Variants in RAB21 observed in about 807,000 individuals in gnomAD.
The protein encoded by RAB21 is RAB21, member RAS oncogene family.
A neutral mutation model predicts 33.1 loss-of-function variants in RAB21; 13 were observed. The observed-to-expected ratio is 0.39, with a 90% CI of 0.26 to 0.62. The LOEUF is 0.62. Ranked by LOEUF, RAB21 falls within the 20% of genes least tolerant of loss-of-function variation. The pLI is 0.48. For synonymous variants in RAB21, 91 were observed against 103.7 expected (o/e 0.88, Z 0.74); for missense variants, 234 against 279.1 (o/e 0.84, Z 1.15).
chr12:71,793,423 A>G lies in RAB21; in HGVS notation c.*7750A>G, dbSNP rs914060200. On this transcript the variant is annotated 3_prime_UTR_variant, in exon 7 of 7. Coordinates refer to ENST00000261263, the MANE Select transcript of RAB21 (RefSeq NM_014999.4). ...ATATGAATTTTCTAAACATCTTTTCAGTGTCTTTTAAGGATATTTTTGATA... is the reference window on the plus strand; with the variant it reads ...ATATGAATTTTCTAAACATCTTTTCGGTGTCTTTTAAGGATATTTTTGATA... 1.7e-4 allele frequency: 26 copies of G among 152,202 alleles called. No homozygotes were observed. Among genetic ancestry groups the G allele is most frequent in the African/African-American group, 6.0e-4 (25 of 41,452 alleles). 9.4% of individuals were successfully genotyped at this position (152,202 alleles called of 1,614,324 possible). A position where few individuals can be genotyped will look rare whatever the true frequency, so the allele number is the denominator to read the frequency against.
At position 71,786,448 on chromosome 12, in the gene RAB21, G is replaced by A. The variant is rs1439838934; in HGVS notation, c.*775G>A. The A allele has an allele frequency of 6.6e-6, 1 of 152,508 alleles. No individual in the cohort carries two copies. Among genetic ancestry groups the A allele is most frequent in the Non-Finnish European group, 1.5e-5 (1 of 68,002 alleles). The allele number at this position is 152,508 out of a possible 1,614,324, so 9.4% of individuals were successfully genotyped here. ...TTTTGTTTTTAATTAGCAGATATCTGAAGTACTATTTTTGCAGGGTTTGCA... is the reference window on the plus strand; with the variant it reads ...TTTTGTTTTTAATTAGCAGATATCTAAAGTACTATTTTTGCAGGGTTTGCA... On this transcript the variant is annotated 3_prime_UTR_variant, in exon 7 of 7. Coordinates refer to ENST00000261263, the MANE Select transcript of RAB21 (RefSeq NM_014999.4).
rs1883412418 is a variant in RAB21, at chr12:71,793,176, T to G, written c.*7503T>G. On this transcript the variant is annotated 3_prime_UTR_variant, in exon 7 of 7. Transcript: ENST00000261263. The stretch of plus-strand genomic sequence containing the variant: ...GGTTTGGTTTGGTTTTGCGGTGATT[T>G]TTTTTAACCTAGAAAAAATACAATT... The G allele has an allele frequency of 6.6e-6, 1 of 152,200 alleles. No individual in the cohort carries two copies. Among genetic ancestry groups the G allele is most frequent in the African/African-American group, 2.4e-5 (1 of 41,458 alleles). The allele number at this position is 152,200 out of a possible 1,614,324, so 9.4% of individuals were successfully genotyped here. A position where few individuals can be genotyped will look rare whatever the true frequency, so the allele number is the denominator to read the frequency against.
chr12:71,771,601 TAA>T (rs1555188250), intron 3 of RAB21, among the ~76,000 whole-genome samples: 1 of 152,246 alleles, frequency 6.6e-6, no homozygotes, highest in Non-Finnish European at 1.5e-5. Context: ...TAATGATTTT[TAA>T]AAGTTATTTT....
chr12:71,757,596 C>A (rs1358151361), intron 1 of RAB21, among the ~76,000 whole-genome samples: 1 of 152,178 alleles, frequency 6.6e-6, no homozygotes. Context: ...TTTTGTTGTA[C>A]ACCAATGTAT....
At chr12:71,756,076 C>T (rs755684414) in intron 1 of RAB21, among the ~76,000 whole-genome samples, 6 of 152,162 alleles carry the variant, frequency 3.9e-5, no homozygotes, top group Non-Finnish European at 7.4e-5. Context: ...CTCACCCCAC[C>T]TCTCCCAGAG....
intron 6 of RAB21, among the ~76,000 whole-genome samples, chr12:71,783,044 C>G (rs1202551526): frequency 6.6e-6 from 1 of 151,944 alleles, no homozygotes; most frequent in Non-Finnish European, 1.5e-5. Flanking sequence ...GTTTGTGAAA[C>G]AAGATATTTG....
In RAB21 at chr12:71,755,747, C is replaced by G. The variant is rs1882776362; in HGVS notation, c.159+459C>G. On this transcript the variant is annotated intron_variant, in intron 1 of 6. Transcript: ENST00000261263. ...AGTGTTTATGCAAGTTCCATTTTGTCCTGAGTAACAGGAATGGCAAAAGAG... is the reference window on the plus strand; with the variant it reads ...AGTGTTTATGCAAGTTCCATTTTGTGCTGAGTAACAGGAATGGCAAAAGAG... Among the ~76,000 whole-genome samples, 5 of 152,302 alleles carry G rather than the reference C, an allele frequency of 3.3e-5. No homozygotes were observed. The South Asian group carries it at 1.0e-3, about 32-fold the overall frequency.
chr12:71,765,018 T>A (rs1346737036), intron 1 of RAB21, among the ~76,000 whole-genome samples: 2 of 152,182 alleles, frequency 1.3e-5, no homozygotes, highest in African/African-American at 4.8e-5. Context: ...TGCTTTTAGT[T>A]CTGTAAGTAA....
Position 71,770,733 on chromosome 12 carries a change from C to T in RAB21, c.327+34C>T, listed in dbSNP as rs771872274. The T allele has an allele frequency of 6.5e-6, 9 of 1,377,208 alleles. 1 individual carries two copies. In the South Asian group the frequency reaches 1.1e-4, roughly 17 times the overall value. The allele number at this position is 1,377,208 out of a possible 1,614,324, so 85.3% of individuals were successfully genotyped here. On this transcript the variant is annotated intron_variant, in intron 3 of 6. Coordinates refer to ENST00000261263, the MANE Select transcript of RAB21 (RefSeq NM_014999.4). ...TTCATGGGTAGATGTCTTAGAAGAACAATAGTAATTTTTCAAGTTTCCATT... is the reference window on the plus strand; with the variant it reads ...TTCATGGGTAGATGTCTTAGAAGAATAATAGTAATTTTTCAAGTTTCCATT...
intron 5 of RAB21, 47 bp from the exon 6 acceptor site, chr12:71,782,523 T>C (rs992129811): frequency 4.2e-5 from 57 of 1,341,764 alleles, no homozygotes; most frequent in East Asian, 7.0e-5. Flanking sequence ...TAAGACAAAA[T>C]CATGAATAAT....
rs781010570 is a variant in RAB21, at chr12:71,793,839, A to C, written c.*8166A>C. The C allele has an allele frequency of 1.3e-5, 2 of 152,192 alleles. No homozygotes were observed. The highest frequency in any genetic ancestry group is 2.9e-5 in the Non-Finnish European group (2 of 68,036). The allele number at this position is 152,192 out of a possible 1,614,324, so 9.4% of individuals were successfully genotyped here. A position where few individuals can be genotyped will look rare whatever the true frequency, so the allele number is the denominator to read the frequency against. ...GGTTCTGGGTTCTAGGTTCTAGGCT[A>C]ATAATTTACTACTTTGGTATGTTGC... On this transcript the variant is annotated 3_prime_UTR_variant, in exon 7 of 7. Coordinates refer to ENST00000261263, the MANE Select transcript of RAB21 (RefSeq NM_014999.4).
Position 71,782,558 on chromosome 12 carries a change from C to T in RAB21, c.447-12C>T. ...TATTTTACATCAATCACCGATGTTACTTTTTTTTAAGGTATGCAGAATCTG... is the reference window on the plus strand; with the variant it reads ...TATTTTACATCAATCACCGATGTTATTTTTTTTTAAGGTATGCAGAATCTG... On this transcript the variant is annotated splice_polypyrimidine_tract_variant and intron_variant, in intron 5 of 6. Transcript: ENST00000261263. The T allele has an allele frequency of 1.9e-6, 3 of 1,543,140 alleles. No individual in the cohort carries two copies. The highest frequency in any genetic ancestry group is 3.9e-5 in the Admixed American group (2 of 51,648).
At chr12:71,782,695 T>A in intron 6 of RAB21, 37 bp downstream of exon 6, 1 of 1,425,054 alleles carries the variant, frequency 7.0e-7, no homozygotes, top group South Asian at 1.3e-5. Context: ...TAGAAATGGT[T>A]TTTGGTTTTT....
At position 71,790,947 on chromosome 12, in the gene RAB21, T is replaced by C. The variant is rs930967660; in HGVS notation, c.*5274T>C. The C allele has an allele frequency of 6.6e-6, 1 of 152,048 alleles. No homozygotes were observed. The highest frequency in any genetic ancestry group is 2.4e-5 in the African/African-American group (1 of 41,418). The allele number at this position is 152,048 out of a possible 1,614,324, so 9.4% of individuals were successfully genotyped here. A position where few individuals can be genotyped will look rare whatever the true frequency, so the allele number is the denominator to read the frequency against. On this transcript the variant is annotated 3_prime_UTR_variant, in exon 7 of 7. Transcript: ENST00000261263. Reference sequence around the variant, plus strand: ...ATGAAACCTGAAAAGGAATCTGGTCTGTTAGGTGGATTTCATTAGTATCCA... The same window carrying C: ...ATGAAACCTGAAAAGGAATCTGGTCCGTTAGGTGGATTTCATTAGTATCCA...
chr12:71,770,499 C>A, intron 2 of RAB21, 93 bp from the exon 3 acceptor site: 1 of 848,996 alleles, frequency 1.2e-6, no homozygotes, highest in Non-Finnish European at 1.9e-6. Context: ...GACTTTATGC[C>A]ATATTTTCCA....
chr12:71,765,377 C>T (rs773015106), intron 1 of RAB21, among the ~76,000 whole-genome samples: 25 of 151,832 alleles, frequency 1.6e-4, no homozygotes, highest in Admixed American at 2.6e-4. Context: ...GCTTAGTTTA[C>T]GAACATTTTC....
chr12:71,769,943 CTTTT>C, intron 2 of RAB21, 84 bp downstream of exon 2: 4 of 439,316 alleles, frequency 9.1e-6, no homozygotes, highest in Non-Finnish European at 1.5e-5. Context: ...TTAGCCAACA[CTTTT>C]TTTTTTTTTT....
At position 71,785,863 on chromosome 12, in the gene RAB21, G is replaced by T; in HGVS notation, c.*190G>T. ...TAGTGGAGTTTGTGACCAGAGAATT[G>T]GCATTTTCTACAAATGTTTTTTTTT... On this transcript the variant is annotated 3_prime_UTR_variant, in exon 7 of 7. Coordinates refer to ENST00000261263, the MANE Select transcript of RAB21 (RefSeq NM_014999.4). The T allele has an allele frequency of 1.7e-6, 1 of 580,728 alleles. No individual in the cohort carries two copies. The highest frequency in any genetic ancestry group is 3.8e-5 in the South Asian group (1 of 26,530). 36.0% of individuals were successfully genotyped at this position (580,728 alleles called of 1,614,324 possible). A position where few individuals can be genotyped will look rare whatever the true frequency, so the allele number is the denominator to read the frequency against.
Position 71,774,028 on chromosome 12 carries a change from C to T in RAB21, c.391+6C>T. 1 of 1,542,806 alleles carries T rather than the reference C, an allele frequency of 6.5e-7. No individual in the cohort carries two copies. The highest frequency in any genetic ancestry group is 2.2e-5 in the Admixed American group (1 of 46,474). The stretch of plus-strand genomic sequence containing the variant: ...AATCTGTTTATGTATAGTTGGTAAG[C>T]ATCATTACTTTTTTCTAAAAAAAAA... On this transcript the variant is annotated splice_donor_region_variant and intron_variant, in intron 4 of 6. Coordinates refer to ENST00000261263, the MANE Select transcript of RAB21 (RefSeq NM_014999.4).
Sources: allele counts gnomAD v4.1 joint callset (sites outside exome capture counted in the v4.1 genomes callset), GRCh38; gene constraint gnomAD v4.1.1; transcripts MANE v1.5; gene names NCBI Gene and HGNC (gene_info 2026-07-23, HGNC 2026-07-21).